HTR1F: variants seen among roughly 807,000 people sequenced by gnomAD.
HTR1F encodes the protein 5-hydroxytryptamine (serotonin) receptor 1F, G protein-coupled.
Under a neutral mutation model 24.0 loss-of-function variants are expected in HTR1F, and 17 were observed. The ratio of observed to expected loss-of-function variants is 0.71; its 90% CI spans 0.48 to 1.06. HTR1F has a LOEUF of 1.06. HTR1F is among the 50% of genes least tolerant of loss of function. The pLI is 0.00. For synonymous variants in HTR1F, 186 were observed against 156.8 expected (o/e 1.19, Z -1.39); for missense variants, 391 against 427.8 (o/e 0.91, Z 0.76).
rs183100194 is a variant in HTR1F at position 87,971,578 on chromosome 3, A to G, written c.-42-19130A>G. On this transcript the variant is annotated intron_variant, in intron 2 of 2. Coordinates refer to ENST00000319595, the MANE Select transcript of HTR1F (RefSeq NM_001322209.2). ...TATCTCAAAAATAAAATAAAATAAA[A>G]TATTAAAAAGTAAGTAACAAATGCA... Among the ~76,000 whole-genome samples the G allele has an allele frequency of 1.2e-3, 180 of 152,314 alleles. 3 individuals are homozygous for G. The highest frequency in any genetic ancestry group is 1.8e-3 in the Non-Finnish European group (125 of 68,032).
chr3:87,897,519 G>T (rs1157296900), intron 2 of HTR1F, among the ~76,000 whole-genome samples: 3 of 152,042 alleles, frequency 2.0e-5, no homozygotes, highest in Non-Finnish European at 4.4e-5. Context: ...AATGGATATA[G>T]TGATCCATGA....
At chr3:87,863,610 G>A (rs1021846) in intron 2 of HTR1F, among the ~76,000 whole-genome samples, 56,342 of 151,878 alleles carry the variant, frequency 0.37, 15,280 homozygotes, top group African/African-American at 0.77. Context: ...TTTCCCTAGC[G>A]GTTATTAACA....
At chr3:87,840,772 A>C (rs917268027) in intron 2 of HTR1F, among the ~76,000 whole-genome samples, 9 of 151,998 alleles carry the variant, frequency 5.9e-5, no homozygotes, top group Non-Finnish European at 1.2e-4. Context: ...AAATTCTGTC[A>C]TTTGCAACAA....
rs1464659368 is a variant in HTR1F, at chr3:87,934,981, C to G, written c.-42-55727C>G. On this transcript the variant is annotated intron_variant, in intron 2 of 2. Transcript: ENST00000319595. ...TCTGGGCTCAAGTGATCCTCCCACC[C>G]CAGCCTCACAAGTAGCTGGGACCAA... Among the ~76,000 whole-genome samples the G allele has an allele frequency of 2.0e-5, 3 of 152,098 alleles. No homozygotes were observed. In the East Asian group the frequency reaches 5.8e-4, roughly 29 times the overall value.
intron 2 of HTR1F, among the ~76,000 whole-genome samples, chr3:87,974,352 A>C (rs1576108824): frequency 6.6e-6 from 1 of 152,248 alleles, no homozygotes; most frequent in African/African-American, 2.4e-5. Flanking sequence ...TGCACGTTAA[A>C]GTAAGAGAAC....
chr3:87,936,854 T>C (rs1372280182), intron 2 of HTR1F, among the ~76,000 whole-genome samples: 2 of 151,920 alleles, frequency 1.3e-5, no homozygotes, highest in Admixed American at 6.6e-5. Context: ...AACACCTCTA[T>C]GCACACAAAC....
chr3:87,886,712 T>G (rs1244317963), intron 2 of HTR1F, among the ~76,000 whole-genome samples: 2 of 152,034 alleles, frequency 1.3e-5, no homozygotes, highest in Non-Finnish European at 2.9e-5. Flanking sequence ...AGCCAAATCA[T>G]GACTGAACAC....
chr3:87,848,718 A>G (rs1705006869), intron 2 of HTR1F, among the ~76,000 whole-genome samples: 3 of 151,780 alleles, frequency 2.0e-5, no homozygotes, highest in Admixed American at 2.0e-4. Flanking sequence ...CCATCATCTC[A>G]GCCCAAAATC....
intron 2 of HTR1F, among the ~76,000 whole-genome samples, chr3:87,954,115 A>G (rs1417183392): frequency 6.6e-6 from 1 of 151,762 alleles, no homozygotes; most frequent in Non-Finnish European, 1.5e-5. Flanking sequence ...TAAAAGGAGT[A>G]AGTTGTAGTG....
intron 2 of HTR1F, among the ~76,000 whole-genome samples, chr3:87,933,715 A>G (rs1379534498): frequency 6.6e-6 from 1 of 152,244 alleles, no homozygotes; most frequent in Non-Finnish European, 1.5e-5. Flanking sequence ...GGATACAAAG[A>G]AATGGAAGAA....
intron 2 of HTR1F, among the ~76,000 whole-genome samples, chr3:87,868,418 GA>G (rs1398259255): frequency 6.6e-6 from 1 of 151,952 alleles, no homozygotes; most frequent in East Asian, 1.9e-4. Context: ...CTTAGAGAAA[GA>G]AATGGTTAAG....
chr3:87,944,934 G>A (rs1704658312), intron 2 of HTR1F, among the ~76,000 whole-genome samples: 2 of 152,180 alleles, frequency 1.3e-5, no homozygotes, highest in African/African-American at 4.8e-5. Context: ...GTATTGGAGT[G>A]TTACAGGGTC....
At chr3:87,933,483 G>C (rs1366509071) in intron 2 of HTR1F, among the ~76,000 whole-genome samples, 1 of 152,194 alleles carries the variant, frequency 6.6e-6, no homozygotes, top group South Asian at 2.1e-4. Flanking sequence ...ATCTCCTTAA[G>C]CTGATAAGCA....
At chr3:87,857,397 C>T (rs1204842033) in intron 2 of HTR1F, among the ~76,000 whole-genome samples, 4 of 152,100 alleles carry the variant, frequency 2.6e-5, no homozygotes, top group Non-Finnish European at 5.9e-5. Context: ...ATTAATATTT[C>T]CATCTAAAGC....
chr3:87,826,979 T>C (rs1168607674), intron 2 of HTR1F, among the ~76,000 whole-genome samples: 2 of 152,028 alleles, frequency 1.3e-5, no homozygotes, highest in Non-Finnish European at 2.9e-5. Flanking sequence ...CCCGGCTAAT[T>C]TGTGTATTTT....
intron 1 of HTR1F, among the ~76,000 whole-genome samples, chr3:87,806,210 T>A (rs989265733): frequency 1.9e-4 from 29 of 152,168 alleles, no homozygotes; most frequent in Non-Finnish European, 3.5e-4. Flanking sequence ...AATGCTGCAA[T>A]AAACATTTAA....
At chr3:87,962,559 A>G (rs776832639) in intron 2 of HTR1F, among the ~76,000 whole-genome samples, 9 of 152,118 alleles carry the variant, frequency 5.9e-5, no homozygotes, top group Non-Finnish European at 1.2e-4. Flanking sequence ...AATGTATGCC[A>G]GTGTTATGAA....
In HTR1F at chr3:87,850,606, TAA is replaced by T. The variant is rs1160993138; in HGVS notation, c.-43+28483_-43+28484del. 2.0e-5 allele frequency among the ~76,000 whole-genome samples: 3 copies of T among 151,764 alleles called. No homozygotes were observed. The East Asian group carries it at 5.8e-4, about 29-fold the overall frequency. On this transcript the variant is annotated intron_variant, in intron 2 of 2. Transcript: ENST00000319595. ...CATGTACCCTAAAACATAAGTATAATAATAAAAAAAGTGAGAAAGTTATTTAG... is the reference window on the plus strand; with the variant it reads ...CATGTACCCTAAAACATAAGTATAATTAAAAAAAGTGAGAAAGTTATTTAG...
intron 2 of HTR1F, among the ~76,000 whole-genome samples, chr3:87,889,225 A>C (rs1301771416): frequency 5.6e-4 from 85 of 152,298 alleles, no homozygotes; most frequent in African/African-American, 1.9e-3. Context: ...TCCAGCCAGC[A>C]GAACCATAAG....
Sources: allele counts gnomAD v4.1 joint callset (sites outside exome capture counted in the v4.1 genomes callset), GRCh38; gene constraint gnomAD v4.1.1; transcripts MANE v1.5; gene names NCBI Gene and HGNC (gene_info 2026-07-23, HGNC 2026-07-21).